PMM2: variants seen among roughly 807,000 people sequenced by gnomAD.
PMM2 encodes the protein phosphomannomutase 2.
In PMM2, 35 loss-of-function variants were observed where a neutral mutation model predicts 33.2. That is an observed-to-expected ratio of 1.06 (90% CI 0.81 to 1.40). The LOEUF is 1.40. Among genes scored for constraint, PMM2 ranks in the 40% most tolerant of loss-of-function variants. The pLI is 0.00. For missense variants in PMM2, 386 were observed against 306.0 expected (o/e 1.26, Z -1.95); for synonymous variants, 153 against 114.7 (o/e 1.33, Z -2.13).
At chr16:8,836,765 C>T (rs980306404) in intron 7 of PMM2, among the ~76,000 whole-genome samples, 1 of 151,900 alleles carries the variant, frequency 6.6e-6, no homozygotes, top group Admixed American at 6.6e-5. Context: ...GGGTCTAGGG[C>T]TGTAAAGCGT....
chr16:8,799,944 C>T (rs1472077203), intron 1 of PMM2, among the ~76,000 whole-genome samples: 1 of 152,194 alleles, frequency 6.6e-6, no homozygotes, highest in African/African-American at 2.4e-5. Context: ...CCCTTCTGTA[C>T]AATTTTAATC....
At chr16:8,811,214 G>C (rs373199487) in intron 5 of PMM2, 36 bp downstream of exon 5, 3 of 1,323,084 alleles carry the variant, frequency 2.3e-6, no homozygotes, top group Non-Finnish European at 3.2e-6. Flanking sequence ...TGAATGGCTG[G>C]GTTTATGGAA....
intron 4 of PMM2, chr16:8,808,812 A>T (rs552545416): frequency 6.6e-6 from 1 of 152,238 alleles, no homozygotes. Flanking sequence ...CTCAGTGCTC[A>T]TACACACGTG....
intron 7 of PMM2, among the ~76,000 whole-genome samples, chr16:8,824,037 GA>G (rs1407304568): frequency 6.6e-6 from 1 of 152,176 alleles, no homozygotes; most frequent in Non-Finnish European, 1.5e-5. Context: ...CATAAGTTGA[GA>G]ATACTCACAA....
intron 7 of PMM2, among the ~76,000 whole-genome samples, chr16:8,819,008 G>A (rs1727145915): frequency 6.6e-6 from 1 of 152,214 alleles, no homozygotes; most frequent in Admixed American, 6.5e-5. Flanking sequence ...CATGCTTTCT[G>A]TAAAAGTCAT....
Position 8,806,372 on chromosome 16 carries a change from G to T in PMM2, c.312G>T (p.Leu104=). The T allele has an allele frequency of 6.2e-7, 1 of 1,613,446 alleles. No individual in the cohort carries two copies. The highest frequency in any genetic ancestry group is 8.5e-7 in the Non-Finnish European group (1 of 1,179,400). ...TCCAAGATTTAATCAACTACTGTCT[G>T]AGCTACATTGCGAAAATTAAACTCC... is the stretch of plus-strand genomic sequence containing the variant. The part of the protein sequence containing the change: ...ALIQDLINYC[L]SYIAKIKLPK... Residue 104 remains leucine (L), a synonymous_variant, in exon 4 of 8, where the codon CTG becomes CTT. Transcript: ENST00000268261.
intron 7 of PMM2, among the ~76,000 whole-genome samples, chr16:8,841,893 T>C (rs1457403602): frequency 6.7e-6 from 1 of 150,150 alleles, no homozygotes; most frequent in Non-Finnish European, 1.5e-5. Flanking sequence ...GCAGAAAGTA[T>C]ATGCATCAGG....
At chr16:8,836,448 C>T (rs548476345) in intron 7 of PMM2, among the ~76,000 whole-genome samples, 6 of 152,080 alleles carry the variant, frequency 3.9e-5, no homozygotes, top group African/African-American at 1.4e-4. Flanking sequence ...CATTCCTTGG[C>T]CCAGTGGCCA....
intron 3 of PMM2, among the ~76,000 whole-genome samples, chr16:8,805,248 G>C (rs2060640496): frequency 6.6e-6 from 1 of 151,502 alleles, no homozygotes; most frequent in African/African-American, 2.4e-5. Flanking sequence ...TTGTATTTTT[G>C]GTAGAGACAG....
At chr16:8,800,665 C>CTTTTTTTTTTTTTTTTTTTTTTTT (rs35148703) in intron 1 of PMM2, among the ~76,000 whole-genome samples, 1 of 126,644 alleles carries the variant, frequency 7.9e-6, no homozygotes. Flanking sequence ...TAAGCTTCTC[C>CTTTTTTTTTTTTTTTTTTTTTTTT]TTTTTTTTTT....
At chr16:8,806,741 AAATGATGG>A (rs2060650560) in intron 4 of PMM2, 1 of 348,740 alleles carries the variant, frequency 2.9e-6, no homozygotes, top group African/African-American at 2.1e-5. Context: ...ATGATTACGT[AAATGATGG>A]CTTATCCACA....
At position 8,844,033 on chromosome 16, in the gene PMM2, G is replaced by C. The variant is rs185487641; in HGVS notation, c.640-3691G>C. Among the ~76,000 whole-genome samples the C allele has an allele frequency of 4.0e-3, 604 of 152,218 alleles. 6 individuals are homozygous for C. The highest frequency in any genetic ancestry group is 0.014 in the African/African-American group (566 of 41,524). On this transcript the variant is annotated intron_variant, in intron 7 of 7. Coordinates refer to ENST00000268261, the MANE Select transcript of PMM2 (RefSeq NM_000303.3). ...GGACTGATGTGTAAAAGAATGCCTGGACATCAGGCACCTCAGACTGTTTGC... is the reference window on the plus strand; with the variant it reads ...GGACTGATGTGTAAAAGAATGCCTGCACATCAGGCACCTCAGACTGTTTGC...
chr16:8,801,770 A>C, intron 1 of PMM2, 29 bp from the exon 2 acceptor site: 1 of 1,333,786 alleles, frequency 7.5e-7, no homozygotes, highest in Middle Eastern at 1.8e-4. Flanking sequence ...GTGGCTTATG[A>C]CTGTTGTATT....
rs576955620 is a variant in PMM2 at position 8,833,668 on chromosome 16, G to T, written c.640-14056G>T. Among the ~76,000 whole-genome samples, 9 of 151,070 alleles carry T rather than the reference G, an allele frequency of 6.0e-5. No individual in the cohort carries two copies. The South Asian group carries it at 1.9e-3, about 32-fold the overall frequency. ...CTTGTGGTAAGGGGTGATATTGTGGGGATGTTAGAAGAAACATCTGTCGTA... is the reference window on the plus strand; with the variant it reads ...CTTGTGGTAAGGGGTGATATTGTGGTGATGTTAGAAGAAACATCTGTCGTA... On this transcript the variant is annotated intron_variant, in intron 7 of 7. Transcript: ENST00000268261.
At chr16:8,808,512 A>C (rs1279088163) in intron 4 of PMM2, 1 of 152,228 alleles carries the variant, frequency 6.6e-6, no homozygotes, top group Non-Finnish European at 1.5e-5. Flanking sequence ...CTTGATCCAC[A>C]TTTGTCCACA....
chr16:8,806,444 A>G (rs375803283), intron 4 of PMM2, 37 bp downstream of exon 4: 15 of 1,240,060 alleles, frequency 1.2e-5, no homozygotes, highest in Non-Finnish European at 1.7e-5. Context: ...TCACAGGAAC[A>G]TAGCGTAGTG....
At chr16:8,804,351 C>T (rs181503133) in intron 2 of PMM2, among the ~76,000 whole-genome samples, 1 of 151,956 alleles carries the variant, frequency 6.6e-6, no homozygotes, top group African/African-American at 2.4e-5. Context: ...ACCCAAAGAG[C>T]TTTTTTAAAA....
At chr16:8,844,366 C>T (rs976146474) in intron 7 of PMM2, among the ~76,000 whole-genome samples, 3 of 150,600 alleles carry the variant, frequency 2.0e-5, no homozygotes, top group East Asian at 3.9e-4. Flanking sequence ...TCCAGAAAAG[C>T]GGGAAAGGGG....
intron 6 of PMM2, 47 bp from the exon 7 acceptor site, chr16:8,812,944 C>A (rs757513036): frequency 9.9e-7 from 1 of 1,007,718 alleles, no homozygotes; most frequent in African/African-American, 1.6e-5. Context: ...ATATCATTAG[C>A]CCCTTTTTCA....
Sources: gnomAD v4.1 joint callset for allele counts (sites outside exome capture counted in the v4.1 genomes callset) on GRCh38, gnomAD v4.1.1 for gene constraint, MANE v1.5 for transcripts, NCBI Gene and HGNC (gene_info 2026-07-23, HGNC 2026-07-21) for gene names.